IQGAP3: variants seen among roughly 807,000 people sequenced by gnomAD.
IQGAP3 encodes the protein ras GTPase-activating-like protein IQGAP3.
A neutral mutation model predicts 208.2 loss-of-function variants in IQGAP3; 165 were observed. The observed-to-expected ratio is 0.79, with a 90% confidence interval of 0.70 to 0.90. The LOEUF is 0.90. Ranked by LOEUF, IQGAP3 falls within the 40% of genes least tolerant of loss-of-function variation. The pLI is 0.00. For missense variants in IQGAP3, 1,811 were observed against 2,043.1 expected (o/e 0.89, Z 2.19); for synonymous variants, 703 against 803.6 (o/e 0.87, Z 2.12).
Position 156,539,821 on chromosome 1 carries a change from G to A in IQGAP3, c.2892+17C>T, listed in dbSNP as rs1674887918. 1.9e-6 allele frequency: 3 copies of A among 1,614,002 alleles called. No individual in the cohort carries two copies. Among genetic ancestry groups the A allele is most frequent in the Non-Finnish European group, 2.5e-6 (3 of 1,179,838 alleles). On this transcript the variant is annotated intron_variant, in intron 24 of 37. Transcript: ENST00000361170. ...AGGAGACGGGAGAGACTTCTCCTTG[G>A]AAAGTCCTCTGCTAACCTGGAGCAG...
chr1:156,562,612 G>A lies in IQGAP3; in HGVS notation c.852C>T (p.Ile284=). 1 of 1,614,136 alleles carries A rather than the reference G, an allele frequency of 6.2e-7. No individual in the cohort carries two copies. Among genetic ancestry groups the A allele is most frequent in the Non-Finnish European group, 8.5e-7 (1 of 1,180,006 alleles). ...IYDHYLTQAE[I]QGNINHVNVH... ...CGTTGACATGGTTGATATTGCCCTG[G>A]ATTTCAGCCTGAGTTAGGTAGTGGT... is the stretch of plus-strand genomic sequence containing the variant. The change falls in exon 9 of 38, where the codon ATC becomes ATT. Residue 284 remains isoleucine (I), a synonymous_variant. Coordinates refer to ENST00000361170, the MANE Select transcript of IQGAP3 (RefSeq NM_178229.5).
chr1:156,564,811 C>G, intron 4 of IQGAP3, 120 bp from the exon 5 acceptor site: 1 of 729,096 alleles, frequency 1.4e-6, no homozygotes, highest in Middle Eastern at 3.8e-4. Context: ...CCCTTGTTAC[C>G]TGGGGTGTCT....
Position 156,563,315 on chromosome 1 carries a change from G to A in IQGAP3, c.620-3C>T. 6.3e-7 allele frequency: 1 copy of A among 1,585,580 alleles called. No individual in the cohort carries two copies. Among genetic ancestry groups the A allele is most frequent in the Non-Finnish European group, 8.6e-7 (1 of 1,161,700 alleles). ...GATGGCAAGAACAGCTGCATGGACT[G>A]GGAGAGGGCATGGAAACAAGGTCAG... On this transcript the variant is annotated splice_region_variant and splice_polypyrimidine_tract_variant and intron_variant, in intron 7 of 37. Coordinates refer to ENST00000361170, the MANE Select transcript of IQGAP3 (RefSeq NM_178229.5).
At chr1:156,569,741 G>A (rs545443141) in intron 1 of IQGAP3, among the ~76,000 whole-genome samples, 2 of 151,928 alleles carry the variant, frequency 1.3e-5, no homozygotes, top group African/African-American at 2.4e-5. Flanking sequence ...GGATGGTCTT[G>A]ATCTCCTGAC....
chr1:156,531,116 G>C, intron 33 of IQGAP3, 44 bp downstream of exon 33: 5 of 1,354,960 alleles, frequency 3.7e-6, no homozygotes, highest in Non-Finnish European at 5.3e-6. Flanking sequence ...GGATGAGGTG[G>C]GGGATGAATG....
intron 2 of IQGAP3, among the ~76,000 whole-genome samples, chr1:156,566,930 G>A (rs1389666224): frequency 4.0e-5 from 6 of 150,156 alleles, no homozygotes; most frequent in East Asian, 1.9e-4. Flanking sequence ...GCAATGGTGC[G>A]ATCTTGGCTC....
intron 19 of IQGAP3, 61 bp downstream of exon 19, chr1:156,548,012 G>C: frequency 6.9e-7 from 1 of 1,454,654 alleles, no homozygotes. Flanking sequence ...GAAGCAGCGT[G>C]GATACCCTGG....
Position 156,548,561 on chromosome 1 carries a change from G to A in IQGAP3, c.1993+20C>T, listed in dbSNP as rs777393510. 47 of 1,597,654 alleles carry A rather than the reference G, an allele frequency of 2.9e-5. 1 individual carries two copies. The South Asian group carries it at 5.0e-4, about 17-fold the overall frequency. On this transcript the variant is annotated intron_variant, in intron 17 of 37. Transcript: ENST00000361170. ...GGCTGGGGCAGGCAGCGAAGAGGAG[G>A]GTCAGGTTGGGGCCATTACCTGGAC...
chr1:156,550,150 G>A (rs1290470387), intron 16 of IQGAP3, 111 bp downstream of exon 16: 9 of 718,398 alleles, frequency 1.3e-5, no homozygotes, highest in Non-Finnish European at 1.7e-5. Flanking sequence ...CCTCCCCACA[G>A]AGGTTGAAGG....
chr1:156,564,684 AAGAAGGTCT>A lies in IQGAP3; in HGVS notation c.361-2_367del. The A allele has an allele frequency of 6.2e-7, 1 of 1,613,162 alleles. No homozygotes were observed. The highest frequency in any genetic ancestry group is 8.5e-7 in the Non-Finnish European group (1 of 1,179,292). On this transcript the variant is annotated splice_acceptor_variant and coding_sequence_variant, in exon 5 of 38. Coordinates refer to ENST00000361170, the MANE Select transcript of IQGAP3 (RefSeq NM_178229.5). LOFTEE classifies it high-confidence loss of function. Reference sequence around the variant, plus strand: ...GTCATAGATGTCCGTGGTCTCTGGGAAGAAGGTCTAGAGGAGAAACCAGCCAGTTACTGC... The same window carrying A: ...GTCATAGATGTCCGTGGTCTCTGGGAAGAGGAGAAACCAGCCAGTTACTGC...
chr1:156,561,326 C>T (rs1272751290), intron 10 of IQGAP3, among the ~76,000 whole-genome samples: 1 of 152,116 alleles, frequency 6.6e-6, no homozygotes, highest in South Asian at 2.1e-4. Flanking sequence ...TGCCACCACA[C>T]CAGCTAATTT....
intron 27 of IQGAP3, among the ~76,000 whole-genome samples, chr1:156,536,070 A>G (rs1310304515): frequency 6.6e-6 from 1 of 152,220 alleles, no homozygotes; most frequent in African/African-American, 2.4e-5. Flanking sequence ...ACAGAAGTTT[A>G]CAGCTCATTG....
Position 156,534,730 on chromosome 1 carries a change from C to A in IQGAP3, c.3511G>T (p.Val1171Phe). 6.4e-7 allele frequency: 1 copy of A among 1,552,440 alleles called. No homozygotes were observed. Among genetic ancestry groups the A allele is most frequent in the Non-Finnish European group, 8.7e-7 (1 of 1,150,666 alleles). The change falls in exon 29 of 38, where the codon GTC becomes TTC. Residue 1171 changes from valine to phenylalanine, a missense_variant. By Grantham distance (50) the Val-to-Phe change is conservative. Transcript: ENST00000361170. ...AAGCGGTAGTACAGGAGGTTCCCGA[C>A]CACCTGAGGGCAAAGGAGACTCTCC... ...DATDSEVYKVVGNLLYYRFLN... is the reference protein window; with the variant it reads ...DATDSEVYKVFGNLLYYRFLN...
rs1363569911 is a variant in IQGAP3 at position 156,560,933 on chromosome 1, C to T, written c.1129+1G>A. The T allele has an allele frequency of 6.2e-7, 1 of 1,610,404 alleles. No individual in the cohort carries two copies. Among genetic ancestry groups the T allele is most frequent in the South Asian group, 1.1e-5 (1 of 91,008 alleles). On this transcript the variant is annotated splice_donor_variant, in intron 11 of 37. Transcript: ENST00000361170. LOFTEE classifies it high-confidence loss of function. ...AGGCCTCAGACCTGCAGATGACTTA[C>T]TGGCTTGTTCCTGATCACCCTTTGT... is the stretch of plus-strand genomic sequence containing the variant.
chr1:156,534,966 G>A (rs116047859), intron 28 of IQGAP3, among the ~76,000 whole-genome samples, 197 bp downstream of exon 28: 3,237 of 152,286 alleles, frequency 0.021, 98 homozygotes, highest in African/African-American at 0.075. Flanking sequence ...CACTCTGTTC[G>A]CTCACACCCC....
intron 34 of IQGAP3, 66 bp from the exon 35 acceptor site, chr1:156,529,148 A>T: frequency 3.3e-6 from 5 of 1,524,876 alleles, no homozygotes; most frequent in Non-Finnish European, 4.5e-6. Flanking sequence ...AGGGCCTGAC[A>T]CAGGCCCAAG....
chr1:156,539,748 C>T, intron 24 of IQGAP3, 90 bp downstream of exon 24: 1 of 1,445,760 alleles, frequency 6.9e-7, no homozygotes, highest in Non-Finnish European at 9.7e-7. Context: ...GGACACCTTG[C>T]ATGGTGCCAA....
At chr1:156,527,798 C>A (rs1674173114) in intron 37 of IQGAP3, among the ~76,000 whole-genome samples, 154 bp downstream of exon 37, 1 of 152,068 alleles carries the variant, frequency 6.6e-6, no homozygotes, top group South Asian at 2.1e-4. Context: ...CTGCACAGAC[C>A]CCCACCCTTC....
At chr1:156,556,462 C>T (rs1675824857) in intron 12 of IQGAP3, 71 bp downstream of exon 12, 1 of 1,518,414 alleles carries the variant, frequency 6.6e-7, no homozygotes, top group Non-Finnish European at 9.1e-7. Context: ...AGAGGGTGGC[C>T]TGGGCTGCCT....
Sources: allele counts gnomAD v4.1 joint callset (sites outside exome capture counted in the v4.1 genomes callset), GRCh38; gene constraint gnomAD v4.1.1; transcripts MANE v1.5; gene names NCBI Gene and HGNC (gene_info 2026-07-23, HGNC 2026-07-21).